ADAD1: variants seen among roughly 807,000 people sequenced by gnomAD.
The protein encoded by ADAD1 is adenosine deaminase domain containing 1.
A neutral mutation model predicts 66.8 loss-of-function variants in ADAD1; 46 were observed. The observed-to-expected ratio is 0.69, with a 90% CI of 0.54 to 0.88. ADAD1 has a LOEUF of 0.88. ADAD1 is among the 40% of genes least tolerant of loss of function. ADAD1 has a pLI of 0.00. For missense variants in ADAD1, 617 were observed against 681.8 expected, an observed-to-expected ratio of 0.91 and a Z score of 1.06; for synonymous variants, 248 against 229.4, an observed-to-expected ratio of 1.08 and a Z score of -0.73.
intron 5 of ADAD1, among the ~76,000 whole-genome samples, chr4:122,391,608 TG>T (rs760817816): frequency 7.2e-5 from 11 of 152,350 alleles, no homozygotes; most frequent in Non-Finnish European, 1.6e-4. Flanking sequence ...TGAGGAAGGA[TG>T]GGTCAGGTTT....
At chr4:122,414,144 T>G in intron 10 of ADAD1, among the ~76,000 whole-genome samples, 1 of 150,510 alleles carries the variant, frequency 6.6e-6, no homozygotes, top group South Asian at 2.1e-4. Context: ...TATAAACTTT[T>G]TTCTATTATA....
rs544469845 is a variant in ADAD1 at position 122,398,591 on chromosome 4, C to T, written c.724+2214C>T. ...AAATTGTACTAGTTTACATTCCCAC[C>T]AGCATTGTAAAAGTATTCCTTTTAC... On this transcript the variant is annotated intron_variant, in intron 7 of 12. Transcript: ENST00000296513. 2.0e-5 allele frequency among the ~76,000 whole-genome samples: 3 copies of T among 152,132 alleles called. 1 individual carries two copies. In the East Asian group the frequency reaches 5.8e-4, roughly 29 times the overall value.
chr4:122,387,073 A>C (rs1370363236), intron 5 of ADAD1, among the ~76,000 whole-genome samples: 3 of 152,208 alleles, frequency 2.0e-5, no homozygotes, highest in South Asian at 2.1e-4. Context: ...TTCTGTGAAG[A>C]ATGTCAATGG....
At chr4:122,427,864 A>G (rs1281263783) in intron 12 of ADAD1, among the ~76,000 whole-genome samples, 7 of 152,164 alleles carry the variant, frequency 4.6e-5, no homozygotes, top group Non-Finnish European at 1.0e-4. Flanking sequence ...GAATTTTGAA[A>G]AAGAAGAAAG....
At chr4:122,386,469 A>T (rs1437516382) in intron 5 of ADAD1, among the ~76,000 whole-genome samples, 1 of 108,152 alleles carries the variant, frequency 9.2e-6, no homozygotes, top group Non-Finnish European at 2.1e-5. Context: ...TAGATCAAAA[A>T]TTTTCTCCCA....
rs1473264732 is a variant in ADAD1, at chr4:122,412,618, A to C, written c.1058A>C (p.Asn353Thr). Residue 353 changes from asparagine (N) to threonine (T), a missense_variant, in exon 10 of 13, where the codon AAT becomes ACT. Coordinates refer to ENST00000296513, the MANE Select transcript of ADAD1 (RefSeq NM_139243.4). Reference protein sequence around the residue: ...NPHSISAFEANEELCLHVAVE... With the variant: ...NPHSISAFEATEELCLHVAVE... ...CATTCTATATCTGCATTTGAAGCCA[A>C]TGAAGAACTCTGTCTCCACGTGGCT... 1 of 1,613,684 alleles carries C rather than the reference A, an allele frequency of 6.2e-7. No individual in the cohort carries two copies. The highest frequency in any genetic ancestry group is 8.5e-7 in the Non-Finnish European group (1 of 1,179,762).
chr4:122,407,866 A>T (rs751437462), intron 7 of ADAD1, 42 bp from the exon 8 acceptor site: 5 of 1,601,050 alleles, frequency 3.1e-6, no homozygotes, highest in Non-Finnish European at 4.3e-6. Flanking sequence ...TAGGGAAGAG[A>T]GAGGTTAAAT....
At chr4:122,410,190 A>G (rs1350431447) in intron 8 of ADAD1, among the ~76,000 whole-genome samples, 6 of 152,234 alleles carry the variant, frequency 3.9e-5, no homozygotes, top group African/African-American at 1.4e-4. Context: ...GAGGAATCCT[A>G]TAATCTTAAA....
chr4:122,382,944 A>G (rs1195339292), intron 4 of ADAD1, among the ~76,000 whole-genome samples: 2 of 152,168 alleles, frequency 1.3e-5, no homozygotes, highest in African/African-American at 4.8e-5. Context: ...AATTGTGAGT[A>G]TGTGAGGAAA....
At chr4:122,413,155 A>T (rs1796546303) in intron 10 of ADAD1, among the ~76,000 whole-genome samples, 1 of 152,126 alleles carries the variant, frequency 6.6e-6, no homozygotes, top group Non-Finnish European at 1.5e-5. Context: ...CTTGGTTGTG[A>T]AGCTTATTTC....
chr4:122,416,946 A>T (rs1263985890), intron 11 of ADAD1, among the ~76,000 whole-genome samples: 1 of 152,168 alleles, frequency 6.6e-6, no homozygotes, highest in Non-Finnish European at 1.5e-5. Context: ...AAAATTATTC[A>T]CTGAAAACAT....
chr4:122,428,615 A>G (rs1053617220), intron 12 of ADAD1, among the ~76,000 whole-genome samples: 12 of 152,232 alleles, frequency 7.9e-5, no homozygotes, highest in Admixed American at 7.9e-4. Flanking sequence ...GATACATGAA[A>G]CAACGTAAAT....
chr4:122,412,528 T>A, intron 9 of ADAD1, 52 bp from the exon 10 acceptor site: 1 of 1,491,708 alleles, frequency 6.7e-7, no homozygotes. Flanking sequence ...AGGTAGATTT[T>A]GTTCTGTCAC....
chr4:122,383,977 T>C lies in ADAD1; in HGVS notation c.529+11T>C, dbSNP rs754639682. ...TTTTAGAAACATCAGGTAAATACTCTTGATTATAAAGTATTTATAAGAGGT... is the reference window on the plus strand; with the variant it reads ...TTTTAGAAACATCAGGTAAATACTCCTGATTATAAAGTATTTATAAGAGGT... On this transcript the variant is annotated intron_variant, in intron 5 of 12. Transcript: ENST00000296513. 10 of 1,593,554 alleles carry C rather than the reference T, an allele frequency of 6.3e-6. No individual in the cohort carries two copies. The highest frequency in any genetic ancestry group is 8.5e-6 in the Non-Finnish European group (10 of 1,170,280).
chr4:122,421,510 C>A (rs758373633), intron 12 of ADAD1, 120 bp downstream of exon 12: 66 of 953,786 alleles, frequency 6.9e-5, no homozygotes, highest in Non-Finnish European at 9.0e-5. Context: ...TAAGATATTA[C>A]CAGGTAATGG....
chr4:122,398,901 A>G (rs1194949835), intron 7 of ADAD1, among the ~76,000 whole-genome samples: 1 of 151,216 alleles, frequency 6.6e-6, no homozygotes, highest in African/African-American at 2.4e-5. Flanking sequence ...GTTTGCAAAG[A>G]TTTTCTCCCA....
chr4:122,380,156 G>A lies in ADAD1; in HGVS notation c.87G>A (p.Ala29=), dbSNP rs920358064. Residue 29 remains alanine, a synonymous_variant, in exon 3 of 13, where the codon GCG becomes GCA. Coordinates refer to ENST00000296513, the MANE Select transcript of ADAD1 (RefSeq NM_139243.4). ...AAAAGAACCTGCCAGTTCAACCAGCGACAAAGACGATAACTACACCCACAG... is the reference window on the plus strand; with the variant it reads ...AAAAGAACCTGCCAGTTCAACCAGCAACAAAGACGATAACTACACCCACAG... ...MLKKNLPVQP[A]TKTITTPTGW... is the part of the protein sequence containing the mutation. The A allele has an allele frequency of 6.2e-6, 10 of 1,614,038 alleles. No individual in the cohort carries two copies. The highest frequency in any genetic ancestry group is 7.6e-6 in the Non-Finnish European group (9 of 1,180,028).
intron 5 of ADAD1, among the ~76,000 whole-genome samples, chr4:122,388,371 G>C (rs1268985703): frequency 6.6e-6 from 1 of 152,154 alleles, no homozygotes; most frequent in Non-Finnish European, 1.5e-5. Context: ...TCAGGATGAT[G>C]CTGGCTTCAT....
At chr4:122,390,698 T>A (rs1192058670) in intron 5 of ADAD1, among the ~76,000 whole-genome samples, 1 of 152,228 alleles carries the variant, frequency 6.6e-6, no homozygotes, top group Non-Finnish European at 1.5e-5. Flanking sequence ...TTTTTTCAGC[T>A]CCATCAGGTA....
Sources: allele counts gnomAD v4.1 joint callset (sites outside exome capture counted in the v4.1 genomes callset), GRCh38; gene constraint gnomAD v4.1.1; transcripts MANE v1.5; gene names NCBI Gene and HGNC (gene_info 2026-07-23, HGNC 2026-07-21).